SORCS3: variants seen among roughly 807,000 people sequenced by gnomAD.
SORCS3 encodes VPS10 domain-containing receptor SorCS3.
Under a neutral mutation model 146.3 loss-of-function variants are expected in SORCS3, and 57 were observed. The ratio of observed to expected loss-of-function variants is 0.39; its 90% CI spans 0.31 to 0.49. The LOEUF is 0.49. Ranked by LOEUF, SORCS3 falls within the 20% of genes least tolerant of loss-of-function variation. The probability of loss-of-function intolerance (pLI) is 0.92; values close to 1 mark genes in which losing one functional copy is unlikely to be tolerated. For missense variants in SORCS3, 1,341 were observed against 1,575.5 expected (o/e 0.85, Z 2.52); for synonymous variants, 653 against 618.5 (o/e 1.06, Z -0.83).
intron 1 of SORCS3, among the ~76,000 whole-genome samples, chr10:104,759,735 C>T (rs1424794808): frequency 1.3e-5 from 2 of 152,094 alleles, no homozygotes; most frequent in East Asian, 3.9e-4. Context: ...CTGTAACTTA[C>T]CTCGTTGTAT....
At chr10:104,672,633 A>T (rs2015869092) in intron 1 of SORCS3, among the ~76,000 whole-genome samples, 3 of 151,834 alleles carry the variant, frequency 2.0e-5, no homozygotes, top group Admixed American at 2.0e-4. Flanking sequence ...ATCCCATAAG[A>T]TTTGATATTT....
At position 105,262,559 on chromosome 10, in the gene SORCS3, C is replaced by T. The variant is rs984910060; in HGVS notation, c.3604+68C>T. On this transcript the variant is annotated intron_variant, in intron 26 of 26. Coordinates refer to ENST00000369701, the MANE Select transcript of SORCS3 (RefSeq NM_014978.3). Reference sequence around the variant, plus strand: ...CTAAACACTGGCCTGCTTCATCTGTCCCCCATACATTACTGGACTGGAGGG... The same window carrying T: ...CTAAACACTGGCCTGCTTCATCTGTTCCCCATACATTACTGGACTGGAGGG... The T allele has an allele frequency of 2.4e-4, 353 of 1,500,824 alleles. 1 individual carries two copies. Among genetic ancestry groups the T allele is most frequent in the Non-Finnish European group, 2.7e-4 (294 of 1,100,316 alleles). 93.0% of individuals were successfully genotyped at this position (1,500,824 alleles called of 1,614,324 possible).
intron 5 of SORCS3, among the ~76,000 whole-genome samples, chr10:105,064,948 T>C (rs1474470179): frequency 6.6e-6 from 1 of 152,180 alleles, no homozygotes; most frequent in Non-Finnish European, 1.5e-5. Context: ...CAAGTTGACA[T>C]GTAAAATTAA....
chr10:105,031,859 A>G (rs73338283), intron 4 of SORCS3, among the ~76,000 whole-genome samples: 8,457 of 152,214 alleles, frequency 0.056, 271 homozygotes, highest in Middle Eastern at 0.082. Flanking sequence ...CCTGGCGTAT[A>G]GTTTTGAGCT....
chr10:104,985,493 C>T (rs1589579862), intron 4 of SORCS3, among the ~76,000 whole-genome samples: 1 of 152,104 alleles, frequency 6.6e-6, no homozygotes. Flanking sequence ...CTTTCAAGCT[C>T]CTGTTCATGT....
chr10:104,757,066 GTTTTTTTTTTTT>G (rs35550035), intron 1 of SORCS3, among the ~76,000 whole-genome samples: 1 of 83,984 alleles, frequency 1.2e-5, no homozygotes, highest in African/African-American at 4.6e-5. Context: ...CAAGTTAAGG[GTTTTTTTTTTTT>G]TTTTTTTTTT....
chr10:105,039,663 G>A (rs2055327245), intron 4 of SORCS3, among the ~76,000 whole-genome samples: 1 of 151,898 alleles, frequency 6.6e-6, no homozygotes, highest in Non-Finnish European at 1.5e-5. Context: ...CACCACGTTG[G>A]CCAGGATGGT....
intron 7 of SORCS3, among the ~76,000 whole-genome samples, chr10:105,135,617 CTT>C (rs2056053842): frequency 6.6e-6 from 1 of 152,118 alleles, no homozygotes; most frequent in Non-Finnish European, 1.5e-5. Flanking sequence ...TCATGTCTCT[CTT>C]CTTGCGTTTT....
intron 2 of SORCS3, among the ~76,000 whole-genome samples, chr10:104,911,253 G>A (rs994650130): frequency 6.6e-6 from 1 of 152,238 alleles, no homozygotes; most frequent in Non-Finnish European, 1.5e-5. Context: ...GGCACTGTTG[G>A]TTCCATAGGC....
intron 19 of SORCS3, 50 bp downstream of exon 19, chr10:105,217,172 T>A: frequency 6.3e-7 from 1 of 1,594,244 alleles, no homozygotes; most frequent in Non-Finnish European, 8.6e-7. Flanking sequence ...AGTTGGCAAC[T>A]TGCTCTGTTC....
intron 6 of SORCS3, among the ~76,000 whole-genome samples, chr10:105,102,764 T>C (rs892930770): frequency 2.0e-4 from 30 of 149,264 alleles, no homozygotes; most frequent in African/African-American, 6.9e-4. Context: ...CTTTTATATT[T>C]AAATTACCTC....
intron 3 of SORCS3, among the ~76,000 whole-genome samples, chr10:104,952,255 GAAAAAAAAAA>G (rs55880149): frequency 5.2e-4 from 21 of 40,622 alleles, no homozygotes; most frequent in East Asian, 1.8e-3. Flanking sequence ...ATGAATGTTT[GAAAAAAAAAA>G]AAAAAAAAAA....
chr10:105,166,853 AC>A (rs1472817113), intron 12 of SORCS3, among the ~76,000 whole-genome samples: 1 of 152,212 alleles, frequency 6.6e-6, no homozygotes, highest in Non-Finnish European at 1.5e-5. Flanking sequence ...CAGACTATTG[AC>A]AAATTAGCAA....
intron 7 of SORCS3, among the ~76,000 whole-genome samples, chr10:105,110,509 A>C (rs180945129): frequency 6.6e-6 from 1 of 152,064 alleles, no homozygotes; most frequent in Non-Finnish European, 1.5e-5. Context: ...TTCTTCCCAG[A>C]AAAAGTATTT....
intron 1 of SORCS3, among the ~76,000 whole-genome samples, chr10:104,742,221 G>A (rs2016856436): frequency 6.6e-6 from 1 of 152,082 alleles, no homozygotes; most frequent in Non-Finnish European, 1.5e-5. Context: ...ATGCAGAAAG[G>A]CTGAAACCAT....
intron 1 of SORCS3, among the ~76,000 whole-genome samples, chr10:104,724,301 G>T (rs1382264259): frequency 6.6e-6 from 1 of 152,032 alleles, no homozygotes; most frequent in African/African-American, 2.4e-5. Context: ...TTGAATATTG[G>T]CCCCCACTCT....
At chr10:105,246,763 G>T (rs2056868662) in intron 21 of SORCS3, among the ~76,000 whole-genome samples, 1 of 152,208 alleles carries the variant, frequency 6.6e-6, no homozygotes, top group Non-Finnish European at 1.5e-5. Context: ...CACCAACCAG[G>T]TCAAGATACA....
At chr10:104,685,497 A>C (rs888373905) in intron 1 of SORCS3, among the ~76,000 whole-genome samples, 1 of 152,204 alleles carries the variant, frequency 6.6e-6, no homozygotes, top group Non-Finnish European at 1.5e-5. Flanking sequence ...GGTTGCCTGC[A>C]TGAGGTGCTC....
chr10:104,794,020 G>A (rs2017523423), intron 1 of SORCS3, among the ~76,000 whole-genome samples: 1 of 152,192 alleles, frequency 6.6e-6, no homozygotes, highest in Non-Finnish European at 1.5e-5. Context: ...GAAGAGGCCA[G>A]CAGATTTTTA....
Sources: allele counts gnomAD v4.1 joint callset (sites outside exome capture counted in the v4.1 genomes callset), GRCh38; gene constraint gnomAD v4.1.1; transcripts MANE v1.5; gene names NCBI Gene and HGNC (gene_info 2026-07-23, HGNC 2026-07-21).